The following RBFOX1 variants were observed in gnomAD, a reference collection of about 807,000 sequenced individuals.
RBFOX1 encodes the protein RNA binding fox-1 homolog 1, also known as RNA binding protein fox-1 homolog 1.
In RBFOX1, 8 loss-of-function variants were observed where a neutral mutation model predicts 57.7. That is an observed-to-expected ratio of 0.14 (90% CI 0.08 to 0.25). RBFOX1 has a LOEUF of 0.25. Ranked by LOEUF, RBFOX1 falls within the 10% of genes least tolerant of loss-of-function variation. RBFOX1 has a pLI of 1.00. For missense variants in RBFOX1, 611 were observed against 548.5 expected (o/e 1.11, Z -1.14); for synonymous variants, 326 against 222.4 (o/e 1.47, Z -4.15).
chr16:6,810,398 G>C (rs984167741), intron 3 of RBFOX1, among the ~76,000 whole-genome samples: 4 of 152,086 alleles, frequency 2.6e-5, no homozygotes, highest in Admixed American at 1.3e-4. Flanking sequence ...CATAAACTAA[G>C]CGTGGACAAT....
intron 14 of RBFOX1, among the ~76,000 whole-genome samples, chr16:7,687,441 C>T (rs576064704): frequency 3.9e-5 from 6 of 152,158 alleles, no homozygotes; most frequent in African/African-American, 1.4e-4. Flanking sequence ...TTAGACTTAG[C>T]TCAGTGCCTG....
intron 14 of RBFOX1, among the ~76,000 whole-genome samples, chr16:7,693,652 T>TAATC (rs1393201067): frequency 6.6e-6 from 1 of 152,118 alleles, no homozygotes; most frequent in Non-Finnish European, 1.5e-5. Context: ...TCTTACAGTA[T>TAATC]AATCAGTGCT....
intron 2 of RBFOX1, among the ~76,000 whole-genome samples, chr16:6,516,586 C>A (rs1342240012): frequency 1.3e-5 from 2 of 152,086 alleles, no homozygotes; most frequent in African/African-American, 2.4e-5. Context: ...GTGACTAGTT[C>A]ATAAAACCCA....
intron 3 of RBFOX1, among the ~76,000 whole-genome samples, chr16:7,041,923 T>C (rs1291735485): frequency 8.0e-6 from 1 of 125,676 alleles, no homozygotes; most frequent in Non-Finnish European, 1.6e-5. Context: ...ATTATCTCTA[T>C]GGTACAAATG....
At chr16:7,026,512 TTCTA>T (rs2040986008) in intron 3 of RBFOX1, among the ~76,000 whole-genome samples, 1 of 152,126 alleles carries the variant, frequency 6.6e-6, no homozygotes. Context: ...TTCTCTCTGT[TTCTA>T]TCTCTCTCAC....
intron 2 of RBFOX1, among the ~76,000 whole-genome samples, chr16:6,633,186 C>T (rs1273262079): frequency 1.3e-5 from 2 of 152,142 alleles, no homozygotes; most frequent in Non-Finnish European, 2.9e-5. Context: ...GGTCAGATGT[C>T]CAGAACTACT....
intron 2 of RBFOX1, among the ~76,000 whole-genome samples, chr16:6,352,765 G>A (rs1404506886): frequency 6.6e-6 from 1 of 152,194 alleles, no homozygotes; most frequent in Non-Finnish European, 1.5e-5. Context: ...TCACGAAGCT[G>A]CAAGTTACTG....
At chr16:5,429,053 C>T (rs985008705) in intron 1 of RBFOX1, among the ~76,000 whole-genome samples, 2 of 152,152 alleles carry the variant, frequency 1.3e-5, no homozygotes, top group African/African-American at 2.4e-5. Flanking sequence ...GCTAGGCTCT[C>T]CTGGCCCTCT....
intron 4 of RBFOX1, among the ~76,000 whole-genome samples, chr16:7,305,844 A>G (rs2096169584): frequency 6.6e-6 from 1 of 152,200 alleles, no homozygotes; most frequent in Non-Finnish European, 1.5e-5. Flanking sequence ...AAATCGTGCC[A>G]GAAGACATTT....
intron 4 of RBFOX1, among the ~76,000 whole-genome samples, chr16:7,292,645 G>A (rs576298440): frequency 1.3e-5 from 2 of 151,692 alleles, no homozygotes; most frequent in East Asian, 3.9e-4. Context: ...TGCCAAGCGA[G>A]AGTTTTTTGT....
chr16:6,422,950 A>G (rs1352903834), intron 2 of RBFOX1, among the ~76,000 whole-genome samples: 1 of 152,230 alleles, frequency 6.6e-6, no homozygotes, highest in South Asian at 2.1e-4. Flanking sequence ...ACTTAGATTA[A>G]TGGCCTCCAG....
chr16:5,671,571 C>T (rs144453386), intron 3 of RBFOX1, among the ~76,000 whole-genome samples: 3 of 152,070 alleles, frequency 2.0e-5, no homozygotes, highest in Admixed American at 6.6e-5. Flanking sequence ...TCAAAACTGC[C>T]AAGTTTCTGG....
chr16:6,967,060 C>T (rs1053099313), intron 3 of RBFOX1, among the ~76,000 whole-genome samples: 3 of 152,146 alleles, frequency 2.0e-5, no homozygotes, highest in East Asian at 1.9e-4. Context: ...TCCATCTATC[C>T]ATATATCTAT....
Position 6,450,777 on chromosome 16 carries a change from A to ATACATATATATG in RBFOX1, c.-64+133722_-64+133723insCATATATATGTA, listed in dbSNP as rs1555480496. Among the ~76,000 whole-genome samples the ATACATATATATG allele has an allele frequency of 1.3e-3, 52 of 39,518 alleles. 1 individual carries two copies. The highest frequency in any genetic ancestry group is 5.9e-3 in the African/African-American group (47 of 7,930). The allele number at this position is 39,518 out of a possible 152,430, so 25.9% of individuals were successfully genotyped here. On this transcript the variant is annotated intron_variant, in intron 2 of 15. Coordinates refer to ENST00000550418, the MANE Select transcript of RBFOX1 (RefSeq NM_018723.4). ...TACATATATATATGTGTATATATAT[A>ATACATATATATG]TATATATATATACATATATATATGT...
At chr16:7,052,338 C>T (rs2050375548) in intron 4 of RBFOX1, among the ~76,000 whole-genome samples, 2 of 152,132 alleles carry the variant, frequency 1.3e-5, no homozygotes, top group South Asian at 4.1e-4. Flanking sequence ...GCAATAAATA[C>T]TTTTCTTCTG....
intron 2 of RBFOX1, among the ~76,000 whole-genome samples, chr16:6,398,864 G>C (rs1169471490): frequency 2.0e-5 from 3 of 152,216 alleles, no homozygotes; most frequent in African/African-American, 4.8e-5. Context: ...AGCTTCACTA[G>C]GCGGTGCTCC....
chr16:5,369,620 C>T (rs968836352), intron 1 of RBFOX1, among the ~76,000 whole-genome samples: 1 of 152,192 alleles, frequency 6.6e-6, no homozygotes, highest in Non-Finnish European at 1.5e-5. Context: ...CGAGCTGCCT[C>T]CTCTGCTATG....
intron 2 of RBFOX1, among the ~76,000 whole-genome samples, chr16:6,545,551 G>T (rs528865693): frequency 6.6e-6 from 1 of 152,230 alleles, no homozygotes; most frequent in African/African-American, 2.4e-5. Flanking sequence ...GTCACATCTC[G>T]GTTTAGACTC....
chr16:7,497,645 A>G (rs1761428790), intron 4 of RBFOX1, among the ~76,000 whole-genome samples: 1 of 152,236 alleles, frequency 6.6e-6, no homozygotes, highest in South Asian at 2.1e-4. Flanking sequence ...AGGTACCTCT[A>G]GTGCATTTCT....
Sources: gnomAD v4.1 joint callset for allele counts (sites outside exome capture counted in the v4.1 genomes callset) on GRCh38, gnomAD v4.1.1 for gene constraint, MANE v1.5 for transcripts, NCBI Gene and HGNC (gene_info 2026-07-23, HGNC 2026-07-21) for gene names.